Variants in VPS33A observed in about 807,000 individuals in gnomAD.
VPS33A encodes the protein VPS33A core subunit of CORVET and HOPS complexes, also known as vacuolar protein sorting-associated protein 33A.
A neutral mutation model predicts 71.8 loss-of-function variants in VPS33A; 32 were observed. That is an observed-to-expected ratio of 0.45 (90% CI 0.34 to 0.60). The LOEUF is 0.60. Among genes scored for constraint, VPS33A ranks in the 20% least tolerant of loss-of-function variants. The probability of loss-of-function intolerance (pLI) is 0.02; values close to 1 mark genes in which losing one functional copy is unlikely to be tolerated. For synonymous variants in VPS33A, 311 were observed against 292.7 expected, an observed-to-expected ratio of 1.06 and a Z score of -0.64; for missense variants, 625 against 748.5, an observed-to-expected ratio of 0.84 and a Z score of 1.92.
At chr12:122,255,991 T>C (rs1241313603) in intron 4 of VPS33A, among the ~76,000 whole-genome samples, 3 of 152,020 alleles carry the variant, frequency 2.0e-5, no homozygotes, top group African/African-American at 7.3e-5. Context: ...AGACAGGGCC[T>C]CACTCTGTTG....
In VPS33A at chr12:122,264,196, T is replaced by C. The variant is rs750303012; in HGVS notation, c.106A>G (p.Ile36Val). Residue 36 changes from isoleucine to valine, a missense_variant, in exon 2 of 13, where the codon ATA becomes GTA. Coordinates refer to ENST00000267199, the MANE Select transcript of VPS33A (RefSeq NM_022916.6). Reference protein sequence around the residue: ...FLDKCAGSKAIVWDEYLTGPF... With the variant: ...FLDKCAGSKAVVWDEYLTGPF... ...CCAGTTAGGTATTCATCCCAAACTA[T>C]TGCCTGTAAGAGGGGAGAAACATTC... 5.8e-6 allele frequency: 9 copies of C among 1,540,730 alleles called. No homozygotes were observed. Among genetic ancestry groups the C allele is most frequent in the African/African-American group, 1.4e-5 (1 of 74,058 alleles).
At position 122,263,593 on chromosome 12, in the gene VPS33A, A is replaced by G. The variant is rs374894067; in HGVS notation, c.275T>C (p.Ile92Thr). ...FVRPRLELMD[I>T]IAENVLSEDR... ...ATACCTGAGCACGTTTTCAGCGATT[A>G]TATCCATCAACTCTAGCCTGGGTCT... The change falls in exon 3 of 13, where the codon ATA (isoleucine) becomes ACA (threonine). Residue 92 changes from isoleucine to threonine, a missense_variant. Physicochemically the swap from Ile to Thr is moderately conservative, Grantham distance 89. Transcript: ENST00000267199. 7.3e-5 allele frequency: 118 copies of G among 1,610,230 alleles called. 1 individual carries two copies. The highest frequency in any genetic ancestry group is 3.5e-5 in the Non-Finnish European group (41 of 1,177,974).
intron 2 of VPS33A, 148 bp from the exon 3 acceptor site, chr12:122,263,847 G>T (rs1263200573): frequency 1.9e-6 from 2 of 1,051,646 alleles, no homozygotes; most frequent in African/African-American, 1.6e-5. Context: ...ATACATAAAG[G>T]ACAAAGTTTC....
Position 122,264,282 on chromosome 12 carries a change from G to T in VPS33A, c.103-83C>A, listed in dbSNP as rs1256123403. 1.2e-5 allele frequency: 13 copies of T among 1,044,012 alleles called. No individual in the cohort carries two copies. In the East Asian group the frequency reaches 2.1e-4, roughly 17 times the overall value. 64.7% of individuals were successfully genotyped at this position (1,044,012 alleles called of 1,614,324 possible). On this transcript the variant is annotated intron_variant, in intron 1 of 12. Transcript: ENST00000267199. ...CCAATAAAAAATAGCCTAACAGGAG[G>T]AGTATTTGCTTCAAATTCTGAGTTA...
intron 1 of VPS33A, among the ~76,000 whole-genome samples, chr12:122,266,090 A>C (rs1195239995): frequency 6.6e-6 from 1 of 152,192 alleles, no homozygotes; most frequent in Non-Finnish European, 1.5e-5. Context: ...GCTCTCACAA[A>C]ACAGTCGCGG....
chr12:122,254,228 T>C (rs188442087), intron 4 of VPS33A, among the ~76,000 whole-genome samples: 100 of 152,140 alleles, frequency 6.6e-4, no homozygotes, highest in African/African-American at 2.4e-3. Flanking sequence ...CACAGAGAGA[T>C]CTAGATGTAC....
At position 122,231,122 on chromosome 12, in the gene VPS33A, G is replaced by A. The variant is rs1218421130; in HGVS notation, c.*1124C>T. 6.6e-6 allele frequency: 1 copy of A among 152,216 alleles called. No homozygotes were observed. The allele number at this position is 152,216 out of a possible 1,614,324, so 9.4% of individuals were successfully genotyped here. A position where few individuals can be genotyped will look rare whatever the true frequency, so the allele number is the denominator to read the frequency against. On this transcript the variant is annotated 3_prime_UTR_variant, in exon 13 of 13. Transcript: ENST00000267199. Reference sequence around the variant, plus strand: ...GATGTTGGGCCCTTGATGGACAGAAGAGAAAACGGAAACCTCAATGGAGGC... The same window carrying A: ...GATGTTGGGCCCTTGATGGACAGAAAAGAAAACGGAAACCTCAATGGAGGC...
chr12:122,266,461 C>T lies in VPS33A; in HGVS notation c.-53G>A. The T allele has an allele frequency of 1.3e-6, 2 of 1,580,994 alleles. No homozygotes were observed. The highest frequency in any genetic ancestry group is 1.3e-5 in the African/African-American group (1 of 74,292). On this transcript the variant is annotated 5_prime_UTR_variant, in exon 1 of 13. Transcript: ENST00000267199. ...CGCCAACCGAGTCCGCCGGTTCCTA[C>T]GGGAGGACCACGGACGCAGTCACGT...
chr12:122,245,102 A>G (rs1289143540), intron 6 of VPS33A, among the ~76,000 whole-genome samples: 3 of 152,084 alleles, frequency 2.0e-5, no homozygotes, highest in African/African-American at 7.2e-5. Context: ...ATCATGTTCC[A>G]TTAGTGGATC....
At chr12:122,247,282 C>A (rs900465221) in intron 6 of VPS33A, among the ~76,000 whole-genome samples, 1 of 151,934 alleles carries the variant, frequency 6.6e-6, no homozygotes, top group African/African-American at 2.4e-5. Flanking sequence ...TACCTCCCAC[C>A]CCTCCTATAC....
intron 4 of VPS33A, among the ~76,000 whole-genome samples, chr12:122,257,484 C>T (rs918136915): frequency 1.5e-5 from 2 of 135,424 alleles, no homozygotes; most frequent in East Asian, 4.4e-4. Context: ...GGAGGCTGGA[C>T]AACACGGTGA....
chr12:122,250,076 C>T (rs1954823599), intron 5 of VPS33A, 31 bp from the exon 6 acceptor site: 1 of 1,552,512 alleles, frequency 6.4e-7, no homozygotes, highest in African/African-American at 1.4e-5. Context: ...GAGGTGGGGC[C>T]CCCCTGGGAA....
At chr12:122,255,313 T>C (rs1954901950) in intron 4 of VPS33A, among the ~76,000 whole-genome samples, 2 of 152,230 alleles carry the variant, frequency 1.3e-5, no homozygotes, top group South Asian at 4.1e-4. Context: ...AATTCAATTT[T>C]TTGGTATATT....
At chr12:122,238,764 T>TATAC (rs777997949) in intron 9 of VPS33A, 40 bp from the exon 10 acceptor site, 2 of 1,434,164 alleles carry the variant, frequency 1.4e-6, no homozygotes, top group Non-Finnish European at 1.9e-6. Flanking sequence ...TACATTTACA[T>TATAC]ATACATACAC....
rs1356168191 is a variant in VPS33A, at chr12:122,232,345, G to C, written c.1692C>G (p.Leu564=). 1.2e-6 allele frequency: 2 copies of C among 1,614,022 alleles called. No individual in the cohort carries two copies. Among genetic ancestry groups the C allele is most frequent in the Non-Finnish European group, 8.5e-7 (1 of 1,180,034 alleles). The change falls in exon 13 of 13, where the codon CTC becomes CTG. Residue 564 remains leucine (L), a synonymous_variant. Coordinates refer to ENST00000267199, the MANE Select transcript of VPS33A (RefSeq NM_022916.6). ...TFAEIAALRF[L]SQLEDGGTEY... ...CTGTACCTCCATCTTCCAACTGGGA[G>C]AGAAATCGCAGGGCAGCAATTTCAG...
chr12:122,252,492 G>C (rs747771353), intron 4 of VPS33A, among the ~76,000 whole-genome samples: 3 of 151,768 alleles, frequency 2.0e-5, no homozygotes, highest in Admixed American at 1.3e-4. Flanking sequence ...TGATGGTCTC[G>C]ATCTCCTGAC....
chr12:122,237,520 C>T (rs944248523), intron 10 of VPS33A, among the ~76,000 whole-genome samples: 2 of 147,942 alleles, frequency 1.4e-5, no homozygotes, highest in African/African-American at 5.1e-5. Context: ...CAAATGAATG[C>T]ACATAAAGTT....
chr12:122,261,577 C>T, intron 3 of VPS33A, 130 bp from the exon 4 acceptor site: 1 of 870,294 alleles, frequency 1.1e-6, no homozygotes, highest in Non-Finnish European at 1.8e-6. Context: ...CATATAAATA[C>T]TGACTCTCAG....
At chr12:122,233,180 A>G (rs1005665592) in intron 11 of VPS33A, among the ~76,000 whole-genome samples, 1 of 151,886 alleles carries the variant, frequency 6.6e-6, no homozygotes, top group Non-Finnish European at 1.5e-5. Context: ...AGCCACTCAA[A>G]GCAGCTCTAG....
Sources: allele counts gnomAD v4.1 joint callset (sites outside exome capture counted in the v4.1 genomes callset), GRCh38; gene constraint gnomAD v4.1.1; transcripts MANE v1.5; gene names NCBI Gene and HGNC (gene_info 2026-07-23, HGNC 2026-07-21).